Variants in NECAB1 observed in about 807,000 individuals in gnomAD.
NECAB1 encodes N-terminal EF-hand calcium binding protein 1, also known as N-terminal EF-hand calcium-binding protein 1.
Under a neutral mutation model 57.5 loss-of-function variants are expected in NECAB1, and 29 were observed. The ratio of observed to expected loss-of-function variants is 0.50; its 90% CI spans 0.38 to 0.69. The LOEUF is 0.69. Among genes scored for constraint, NECAB1 ranks in the 30% least tolerant of loss-of-function variants. NECAB1 has a pLI of 0.00. For missense variants in NECAB1, 372 were observed against 413.8 expected (o/e 0.90, Z 0.88); for synonymous variants, 142 against 147.7 (o/e 0.96, Z 0.28).
intron 5 of NECAB1, among the ~76,000 whole-genome samples, chr8:90,889,663 A>C (rs1809104238): frequency 6.6e-6 from 1 of 152,214 alleles, no homozygotes; most frequent in East Asian, 1.9e-4. Flanking sequence ...AGAGTCAGCT[A>C]TGTGGCTTCC....
chr8:90,845,830 G>T (rs1486560569), intron 3 of NECAB1, among the ~76,000 whole-genome samples: 1 of 152,192 alleles, frequency 6.6e-6, no homozygotes, highest in Admixed American at 6.5e-5. Context: ...TCCAAAGTGA[G>T]GAATGGTTTT....
rs764913363 is a variant in NECAB1 at position 90,881,050 on chromosome 8, T to C, written c.277T>C (p.Leu93=). ...EELCEYFSQH[L]GEYENVLAAL... is the part of the protein sequence containing the mutation. Reference sequence around the variant, plus strand: ...TTTTTCAGAATATTTTTCTCAGCACTTGGGCGAGTATGAGAATGTACTAGC... The same window carrying C: ...TTTTTCAGAATATTTTTCTCAGCACCTGGGCGAGTATGAGAATGTACTAGC... Residue 93 remains leucine, a synonymous_variant, in exon 5 of 13, where the codon TTG becomes CTG. Transcript: ENST00000417640. 3 of 1,602,444 alleles carry C rather than the reference T, an allele frequency of 1.9e-6. No homozygotes were observed. In the South Asian group the frequency reaches 3.4e-5, roughly 18 times the overall value.
intron 9 of NECAB1, among the ~76,000 whole-genome samples, chr8:90,936,371 A>C (rs1315958543): frequency 6.6e-6 from 1 of 152,166 alleles, no homozygotes; most frequent in Non-Finnish European, 1.5e-5. Flanking sequence ...ATCCTTTGCT[A>C]TGTGCCAAGT....
intron 2 of NECAB1, among the ~76,000 whole-genome samples, chr8:90,820,065 T>C (rs1270922183): frequency 6.6e-6 from 1 of 151,892 alleles, no homozygotes; most frequent in Admixed American, 6.6e-5. Context: ...CAGCAATTCA[T>C]CAAAACTACC....
chr8:90,861,100 C>T (rs190397851), intron 3 of NECAB1, among the ~76,000 whole-genome samples: 13 of 152,288 alleles, frequency 8.5e-5, no homozygotes, highest in African/African-American at 3.1e-4. Flanking sequence ...CATTCGGTAA[C>T]AGTCAAGTAT....
chr8:90,909,508 T>C (rs991628959), intron 5 of NECAB1, among the ~76,000 whole-genome samples: 1 of 152,130 alleles, frequency 6.6e-6, no homozygotes, highest in Non-Finnish European at 1.5e-5. Flanking sequence ...CAATATTACC[T>C]GAGTTTTAGC....
chr8:90,945,814 T>C (rs1810793964), intron 10 of NECAB1, among the ~76,000 whole-genome samples: 1 of 152,154 alleles, frequency 6.6e-6, no homozygotes, highest in African/African-American at 2.4e-5. Context: ...GGTTGAAGCT[T>C]TTGGGGCCTG....
chr8:90,932,310 T>C (rs1482684701), intron 8 of NECAB1, among the ~76,000 whole-genome samples: 2 of 152,238 alleles, frequency 1.3e-5, no homozygotes, highest in Non-Finnish European at 2.9e-5. Flanking sequence ...GCCATTCATT[T>C]ATTCTACATT....
At chr8:90,889,341 A>C (rs1374985692) in intron 5 of NECAB1, among the ~76,000 whole-genome samples, 1 of 152,222 alleles carries the variant, frequency 6.6e-6, no homozygotes, top group Admixed American at 6.5e-5. Context: ...CACAGCTGAG[A>C]TGTGGATAGC....
At chr8:90,931,349 T>G (rs1810399931) in intron 8 of NECAB1, among the ~76,000 whole-genome samples, 1 of 152,244 alleles carries the variant, frequency 6.6e-6, no homozygotes, top group Non-Finnish European at 1.5e-5. Context: ...CTGTAGTTGT[T>G]AACACTAGTT....
intron 3 of NECAB1, among the ~76,000 whole-genome samples, chr8:90,863,195 T>TTTCTTATAC (rs1303808594): frequency 1.3e-5 from 2 of 152,180 alleles, no homozygotes; most frequent in African/African-American, 4.8e-5. Flanking sequence ...TCTACTTGCC[T>TTTCTTATAC]TTCTTATACT....
chr8:90,856,861 G>T (rs1368715343), intron 3 of NECAB1, among the ~76,000 whole-genome samples: 1 of 152,146 alleles, frequency 6.6e-6, no homozygotes, highest in Non-Finnish European at 1.5e-5. Context: ...TCCCTTGTAA[G>T]ATGACCGATT....
chr8:90,936,200 C>A (rs1810534300), intron 9 of NECAB1, among the ~76,000 whole-genome samples: 1 of 152,078 alleles, frequency 6.6e-6, no homozygotes, highest in Non-Finnish European at 1.5e-5. Flanking sequence ...GTTAAATGAT[C>A]TATCCTGATG....
In NECAB1 at chr8:90,875,844, C is replaced by CAAAAAAAAAAAAAA. The variant is rs5893141; in HGVS notation, c.259+3695_259+3708dup. On this transcript the variant is annotated intron_variant, in intron 4 of 12. Coordinates refer to ENST00000417640, the MANE Select transcript of NECAB1 (RefSeq NM_022351.5). Reference sequence around the variant, plus strand: ...TGAAACCCCATCTCTACTAAAAATACAAAAAAAAAAAAAAAAATTACCGGG... The same window carrying CAAAAAAAAAAAAAA: ...TGAAACCCCATCTCTACTAAAAATACAAAAAAAAAAAAAAAAAAAAAAAAAAAAAAATTACCGGG... 2.5e-4 allele frequency among the ~76,000 whole-genome samples: 22 copies of CAAAAAAAAAAAAAA among 88,408 alleles called. 1 individual carries two copies. Among genetic ancestry groups the CAAAAAAAAAAAAAA allele is most frequent in the African/African-American group, 9.6e-4 (21 of 21,824 alleles). The allele number at this position is 88,408 out of a possible 152,430, so 58.0% of individuals were successfully genotyped here.
intron 1 of NECAB1, among the ~76,000 whole-genome samples, chr8:90,801,176 T>C (rs529590294): frequency 1.1e-4 from 16 of 152,322 alleles, no homozygotes; most frequent in Admixed American, 9.2e-4. Context: ...TTTTAACATA[T>C]ATGAAACCAT....
intron 9 of NECAB1, 29 bp from the exon 10 acceptor site, chr8:90,940,757 C>A: frequency 6.6e-7 from 1 of 1,523,264 alleles, no homozygotes; most frequent in South Asian, 1.2e-5. Flanking sequence ...TGACAGCCAA[C>A]GCAGTGACCC....
At position 90,922,486 on chromosome 8, in the gene NECAB1, A is replaced by ATTTTTTTTTTTTTTTTTTTTTTTTTT. The variant is rs577951495; in HGVS notation, c.495-3025_495-3024insTTTTTTTTTTTTTTTTTTTTTTTTTT. ...ACCACCAAAGCTGCCAAAAACTTGG[A>ATTTTTTTTTTTTTTTTTTTTTTTTTT]TTTTTTTTTTTTTTTTTTTTTTTTG... On this transcript the variant is annotated intron_variant, in intron 6 of 12. Coordinates refer to ENST00000417640, the MANE Select transcript of NECAB1 (RefSeq NM_022351.5). 2.9e-3 allele frequency among the ~76,000 whole-genome samples: 167 copies of ATTTTTTTTTTTTTTTTTTTTTTTTTT among 57,510 alleles called. 17 individuals are homozygous for ATTTTTTTTTTTTTTTTTTTTTTTTTT. The highest frequency in any genetic ancestry group is 0.015 in the East Asian group (16 of 1,042). The allele number at this position is 57,510 out of a possible 152,430, so 37.7% of individuals were successfully genotyped here.
At chr8:90,794,516 C>T (rs1811629057) in intron 1 of NECAB1, among the ~76,000 whole-genome samples, 1 of 152,070 alleles carries the variant, frequency 6.6e-6, no homozygotes, top group Non-Finnish European at 1.5e-5. Context: ...CTGGAATAAT[C>T]AATCATTTAA....
Position 90,941,027 on chromosome 8 carries a change from G to C in NECAB1, c.860+129G>C, listed in dbSNP as rs924132654. On this transcript the variant is annotated intron_variant, in intron 10 of 12. Coordinates refer to ENST00000417640, the MANE Select transcript of NECAB1 (RefSeq NM_022351.5). The stretch of plus-strand genomic sequence containing the variant: ...GAGAATCCTCACATTAAATTATACA[G>C]AGCATTCCACCTGGGTGATGTCATT... 5.8e-6 allele frequency: 4 copies of C among 689,588 alleles called. No homozygotes were observed. In the East Asian group the frequency reaches 1.1e-4, roughly 19 times the overall value. 42.7% of individuals were successfully genotyped at this position (689,588 alleles called of 1,614,324 possible). A position where few individuals can be genotyped will look rare whatever the true frequency, so the allele number is the denominator to read the frequency against.
Sources: allele counts gnomAD v4.1 joint callset (sites outside exome capture counted in the v4.1 genomes callset), GRCh38; gene constraint gnomAD v4.1.1; transcripts MANE v1.5; gene names NCBI Gene and HGNC (gene_info 2026-07-23, HGNC 2026-07-21).